Variants in EPHA6 observed in about 807,000 individuals in gnomAD.
The protein encoded by EPHA6 is ephrin type-A receptor 6.
In EPHA6, 50 loss-of-function variants were observed where a neutral mutation model predicts 112.0. The observed-to-expected ratio is 0.45, with a 90% CI of 0.36 to 0.56. The LOEUF (loss-of-function observed/expected upper bound fraction) is 0.56, where lower values mean the gene tolerates loss of function less well. Ranked by LOEUF, EPHA6 falls within the 20% of genes least tolerant of loss-of-function variation. EPHA6 has a pLI of 0.00. For missense variants in EPHA6, 1,280 were observed against 1,417.4 expected (o/e 0.90, Z 1.56); for synonymous variants, 529 against 490.7 (o/e 1.08, Z -1.03).
intron 3 of EPHA6, among the ~76,000 whole-genome samples, chr3:97,133,368 A>T (rs1352049862): frequency 2.6e-5 from 4 of 152,072 alleles, no homozygotes; most frequent in African/African-American, 9.7e-5. Context: ...GAGTAAGTTG[A>T]TGTAAAAGAC....
Position 97,029,020 on chromosome 3 carries a change from TAAA to T in EPHA6, c.1114+41030_1114+41032del, listed in dbSNP as rs558026291. Among the ~76,000 whole-genome samples the T allele has an allele frequency of 3.2e-3, 492 of 151,630 alleles. 6 individuals carry two copies. Among genetic ancestry groups the T allele is most frequent in the African/African-American group, 0.01 (432 of 41,528 alleles). ...AATGAAATATTGGAATTTCATAAAA[TAAA>T]AACAAAAGTTAGAACATCGACTTAA... On this transcript the variant is annotated intron_variant, in intron 3 of 17. Transcript: ENST00000389672.
At chr3:97,233,017 C>T (rs928977244) in intron 4 of EPHA6, among the ~76,000 whole-genome samples, 5 of 152,140 alleles carry the variant, frequency 3.3e-5, no homozygotes, top group Admixed American at 1.3e-4. Context: ...TGAGCCCACT[C>T]GTCCAATTCC....
At chr3:97,493,557 T>C (rs2091903632) in intron 10 of EPHA6, among the ~76,000 whole-genome samples, 1 of 151,998 alleles carries the variant, frequency 6.6e-6, no homozygotes, top group Admixed American at 6.6e-5. Flanking sequence ...AGACCATATG[T>C]CCAGATGCTG....
chr3:97,175,853 G>C (rs2076821391), intron 3 of EPHA6, among the ~76,000 whole-genome samples: 1 of 151,714 alleles, frequency 6.6e-6, no homozygotes, highest in Admixed American at 6.6e-5. Context: ...AGCAAACAAG[G>C]ACAATTTAAT....
chr3:97,190,728 G>A (rs2077279625), intron 3 of EPHA6, among the ~76,000 whole-genome samples: 1 of 151,840 alleles, frequency 6.6e-6, no homozygotes, highest in Non-Finnish European at 1.5e-5. Context: ...TTGTGGAGGG[G>A]AGCGGGGAGG....
At chr3:97,734,462 T>C (rs1411841760) in intron 15 of EPHA6, among the ~76,000 whole-genome samples, 1 of 152,014 alleles carries the variant, frequency 6.6e-6, no homozygotes, top group Non-Finnish European at 1.5e-5. Flanking sequence ...TCCTGTTCAG[T>C]AATAAAATAT....
intron 5 of EPHA6, among the ~76,000 whole-genome samples, chr3:97,296,750 A>G (rs6439109): frequency 0.22 from 34,173 of 151,964 alleles, 9,029 homozygotes; most frequent in African/African-American, 0.63. Flanking sequence ...CAGGTTTTAT[A>G]GGGAGCACAT....
intron 5 of EPHA6, among the ~76,000 whole-genome samples, chr3:97,404,747 C>G (rs2087223889): frequency 6.6e-6 from 1 of 152,046 alleles, no homozygotes; most frequent in Non-Finnish European, 1.5e-5. Context: ...AGGGAGAAGC[C>G]TATAAATGAT....
intron 10 of EPHA6, among the ~76,000 whole-genome samples, chr3:97,487,258 G>A (rs1328214521): frequency 6.6e-6 from 1 of 152,184 alleles, no homozygotes; most frequent in African/African-American, 2.4e-5. Context: ...CAACAGTTAA[G>A]ATTACTTTTC....
intron 2 of EPHA6, among the ~76,000 whole-genome samples, chr3:96,935,204 A>T (rs1371105429): frequency 6.6e-6 from 1 of 151,848 alleles, no homozygotes; most frequent in African/African-American, 2.4e-5. Flanking sequence ...AATAAACTAT[A>T]ACTAAATTAT....
chr3:97,010,019 G>T (rs989153300), intron 3 of EPHA6: 6 of 1,182,314 alleles, frequency 5.1e-6, no homozygotes, highest in Admixed American at 4.6e-5. Flanking sequence ...TCCAAAGGCC[G>T]CTGCTTCTAG....
chr3:96,973,261 C>G (rs889441786), intron 2 of EPHA6, among the ~76,000 whole-genome samples: 5 of 152,130 alleles, frequency 3.3e-5, no homozygotes, highest in African/African-American at 1.2e-4. Context: ...AACAAATATT[C>G]ACTTCAGATG....
chr3:97,258,616 ATAAT>A (rs1370731838), intron 5 of EPHA6, among the ~76,000 whole-genome samples: 2 of 152,154 alleles, frequency 1.3e-5, no homozygotes, highest in African/African-American at 4.8e-5. Context: ...TTTATAACTC[ATAAT>A]TACATTATTT....
At chr3:97,603,633 C>CA (rs1354971310) in intron 12 of EPHA6, among the ~76,000 whole-genome samples, 1 of 151,626 alleles carries the variant, frequency 6.6e-6, no homozygotes, top group Admixed American at 6.6e-5. Flanking sequence ...ATGTTACAGG[C>CA]AAAAATCTGT....
chr3:97,572,561 G>T (rs960218697), intron 11 of EPHA6: 1 of 152,082 alleles, frequency 6.6e-6, no homozygotes, highest in East Asian at 1.9e-4. Flanking sequence ...TGAGCCCTTG[G>T]TTTGGTAATA....
intron 3 of EPHA6, among the ~76,000 whole-genome samples, chr3:97,079,606 T>TAAAAAAAAAA (rs71113851): frequency 3.5e-5 from 4 of 113,318 alleles, no homozygotes; most frequent in Non-Finnish European, 2.1e-5. Flanking sequence ...AAATTAAAAG[T>TAAAAAAAAAA]AAAAAAAAAA....
chr3:97,156,314 A>G (rs1346850780), intron 3 of EPHA6, among the ~76,000 whole-genome samples: 2 of 152,192 alleles, frequency 1.3e-5, no homozygotes, highest in African/African-American at 2.4e-5. Flanking sequence ...CAGATTTCAT[A>G]TTGAAGAATA....
intron 13 of EPHA6, among the ~76,000 whole-genome samples, chr3:97,622,476 T>C (rs2093821878): frequency 6.6e-6 from 1 of 151,808 alleles, no homozygotes; most frequent in Non-Finnish European, 1.5e-5. Context: ...ATATGCCACA[T>C]TTTGCTTATC....
At chr3:96,941,161 G>T (rs2040917957) in intron 2 of EPHA6, among the ~76,000 whole-genome samples, 1 of 152,024 alleles carries the variant, frequency 6.6e-6, no homozygotes, top group Non-Finnish European at 1.5e-5. Flanking sequence ...GCTATATTTG[G>T]GAAGTTCTCC....
Sources: gnomAD v4.1 joint callset for allele counts (sites outside exome capture counted in the v4.1 genomes callset) on GRCh38, gnomAD v4.1.1 for gene constraint, MANE v1.5 for transcripts, NCBI Gene and HGNC (gene_info 2026-07-23, HGNC 2026-07-21) for gene names.